Variants in GRM5 observed in about 807,000 individuals in gnomAD.
GRM5 encodes metabotropic glutamate receptor 5.
In GRM5, 19 loss-of-function variants were observed where a neutral mutation model predicts 83.1. That is an observed-to-expected ratio of 0.23 (90% CI 0.16 to 0.34). The LOEUF (loss-of-function observed/expected upper bound fraction) is 0.34, where lower values mean the gene tolerates loss of function less well. GRM5 is among the 10% of genes least tolerant of loss of function. The pLI is 1.00. For missense variants in GRM5, 1,160 were observed against 1,588.3 expected (o/e 0.73, Z 4.58); for synonymous variants, 675 against 633.6 (o/e 1.07, Z -0.98).
chr11:88,884,733 A>G (rs1374645037), intron 2 of GRM5, among the ~76,000 whole-genome samples: 1 of 152,136 alleles, frequency 6.6e-6, no homozygotes, highest in Non-Finnish European at 1.5e-5. Context: ...TGCGGTAGTG[A>G]ATAAATCTTA....
At chr11:88,653,081 T>C (rs1335612247) in intron 4 of GRM5, 87 bp downstream of exon 4, 1 of 798,538 alleles carries the variant, frequency 1.3e-6, no homozygotes, top group Non-Finnish European at 2.1e-6. Context: ...CCTTGTAACA[T>C]ATTACAGCCA....
intron 8 of GRM5, among the ~76,000 whole-genome samples, chr11:88,528,644 CATACTT>C (rs139649092): frequency 0.02 from 3,078 of 152,156 alleles, 103 homozygotes; most frequent in African/African-American, 0.071. Flanking sequence ...CCCATACACT[CATACTT>C]GTAAGGCACT....
At chr11:88,603,227 C>T (rs563612729) in intron 5 of GRM5, among the ~76,000 whole-genome samples, 11 of 152,270 alleles carry the variant, frequency 7.2e-5, no homozygotes, top group African/African-American at 2.6e-4. Context: ...TCAAGGTTTC[C>T]CATTGGAATA....
chr11:88,528,071 C>G (rs933509813), intron 8 of GRM5, among the ~76,000 whole-genome samples: 3 of 149,970 alleles, frequency 2.0e-5, no homozygotes, highest in African/African-American at 7.4e-5. Context: ...GCACATATAC[C>G]CCTGAACCTA....
intron 7 of GRM5, among the ~76,000 whole-genome samples, chr11:88,574,330 A>G (rs984102198): frequency 6.6e-6 from 1 of 152,208 alleles, no homozygotes; most frequent in African/African-American, 2.4e-5. Context: ...TTACAGAACT[A>G]TTATGTAGTG....
At chr11:88,963,134 G>A (rs569701006) in intron 2 of GRM5, among the ~76,000 whole-genome samples, 9 of 152,106 alleles carry the variant, frequency 5.9e-5, no homozygotes, top group Admixed American at 5.2e-4. Flanking sequence ...TACCAAAGGA[G>A]GTGATATACA....
intron 7 of GRM5, among the ~76,000 whole-genome samples, chr11:88,586,673 A>G (rs1943321370): frequency 6.6e-6 from 1 of 152,184 alleles, no homozygotes; most frequent in Non-Finnish European, 1.5e-5. Flanking sequence ...TTTGAATCAG[A>G]GTCACTGAGG....
intron 4 of GRM5, among the ~76,000 whole-genome samples, chr11:88,633,119 A>G (rs1239848943): frequency 4.6e-5 from 7 of 152,214 alleles, no homozygotes; most frequent in Non-Finnish European, 1.0e-4. Context: ...GAACATTTAT[A>G]CCACAATAAG....
intron 3 of GRM5, among the ~76,000 whole-genome samples, chr11:88,713,456 G>T (rs1175833012): frequency 6.6e-6 from 1 of 151,950 alleles, no homozygotes; most frequent in Non-Finnish European, 1.5e-5. Context: ...CATGTAATAG[G>T]TGCTGAACTA....
At chr11:89,040,869 G>A (rs1377208435) in intron 2 of GRM5, among the ~76,000 whole-genome samples, 1 of 152,190 alleles carries the variant, frequency 6.6e-6, no homozygotes, top group Non-Finnish European at 1.5e-5. Flanking sequence ...AGAGTTTTGA[G>A]GATCTCTATT....
intron 4 of GRM5, among the ~76,000 whole-genome samples, chr11:88,626,876 G>A (rs1938811448): frequency 1.3e-5 from 2 of 152,296 alleles, no homozygotes; most frequent in South Asian, 4.1e-4. Flanking sequence ...TGTGGACATA[G>A]CAAGAAGGAG....
At chr11:88,556,068 T>G (rs1270454822) in intron 8 of GRM5, among the ~76,000 whole-genome samples, 1 of 152,122 alleles carries the variant, frequency 6.6e-6, no homozygotes, top group Admixed American at 6.6e-5. Context: ...CTTATTAACT[T>G]GCCACCGAAG....
chr11:88,910,176 T>C (rs1355660324), intron 2 of GRM5, among the ~76,000 whole-genome samples: 1 of 152,082 alleles, frequency 6.6e-6, no homozygotes, highest in East Asian at 1.9e-4. Context: ...ACAATATTTG[T>C]CTTCTTGTAT....
intron 7 of GRM5, among the ~76,000 whole-genome samples, chr11:88,572,263 A>G (rs1448908049): frequency 6.6e-6 from 1 of 152,214 alleles, no homozygotes; most frequent in Non-Finnish European, 1.5e-5. Flanking sequence ...GATGTGGATG[A>G]GAGCAGAGCC....
intron 2 of GRM5, among the ~76,000 whole-genome samples, chr11:88,894,854 G>T (rs1590945629): frequency 6.6e-6 from 1 of 151,932 alleles, no homozygotes; most frequent in Non-Finnish European, 1.5e-5. Context: ...CCCAACATGA[G>T]AATACAATGT....
chr11:88,900,860 G>T (rs1211205086), intron 2 of GRM5, among the ~76,000 whole-genome samples: 2 of 152,098 alleles, frequency 1.3e-5, no homozygotes, highest in Non-Finnish European at 1.5e-5. Context: ...GTTTGGGATG[G>T]TTTTCTGGGA....
At chr11:88,662,689 G>C (rs1163096053) in intron 3 of GRM5, among the ~76,000 whole-genome samples, 1 of 152,174 alleles carries the variant, frequency 6.6e-6, no homozygotes, top group Non-Finnish European at 1.5e-5. Flanking sequence ...AGGGGGACTT[G>C]ACATGAGAGA....
At chr11:88,853,907 C>T (rs1304040443) in intron 2 of GRM5, among the ~76,000 whole-genome samples, 1 of 151,254 alleles carries the variant, frequency 6.6e-6, no homozygotes, top group African/African-American at 2.4e-5. Flanking sequence ...AGTTCCTCAA[C>T]AAAACTAAAA....
chr11:88,789,907 G>A (rs1591517911), intron 3 of GRM5, among the ~76,000 whole-genome samples: 1 of 151,822 alleles, frequency 6.6e-6, no homozygotes, highest in Non-Finnish European at 1.5e-5. Flanking sequence ...CAGGCTGGAG[G>A]GCAGTGGCGC....
Sources: gnomAD v4.1 joint callset for allele counts (sites outside exome capture counted in the v4.1 genomes callset) on GRCh38, gnomAD v4.1.1 for gene constraint, MANE v1.5 for transcripts, NCBI Gene and HGNC (gene_info 2026-07-23, HGNC 2026-07-21) for gene names.